The following CARNS1 variants were observed in gnomAD, a reference collection of about 807,000 sequenced individuals.
CARNS1 encodes carnosine synthase 1.
CARNS1 carries 61 observed loss-of-function variants against 74.0 expected under a neutral mutation model. The ratio of observed to expected loss-of-function variants is 0.82; its 90% confidence interval spans 0.67 to 1.02. CARNS1 has a LOEUF of 1.02. CARNS1 is among the 50% of genes least tolerant of loss of function. CARNS1 has a pLI of 0.00. For synonymous variants in CARNS1, 568 were observed against 605.5 expected, an observed-to-expected ratio of 0.94 and a Z score of 0.91; for missense variants, 1,278 against 1,308.4, an observed-to-expected ratio of 0.98 and a Z score of 0.36.
chr11:67,418,989 A>C lies in CARNS1; in HGVS notation c.598A>C (p.Thr200Pro), dbSNP rs755396724. The change falls in exon 5 of 10, where the codon ACA (threonine) becomes CCA (proline). Residue 200 changes from threonine (T) to proline (P), a missense_variant. Physicochemically the swap from Thr to Pro is conservative, Grantham distance 38 (BLOSUM62 -1). This residue lies in a region of CARNS1 where 1,164 missense variants were observed against 1,156.5 expected (regional missense o/e 1.01). Transcript: ENST00000687366. ...ACTCGCCCGTGACCTGACCTGCCCCACAGGAGCTTCGGCTGAGCTGGCCCG... is the reference window on the plus strand; with the variant it reads ...ACTCGCCCGTGACCTGACCTGCCCCCCAGGAGCTTCGGCTGAGCTGGCCCG... ...AELARDLTCP[T>P]GASAELARLL... is the part of the protein sequence containing the mutation. The C allele has an allele frequency of 6.4e-7, 1 of 1,564,380 alleles. No individual in the cohort carries two copies. Among genetic ancestry groups the C allele is most frequent in the Non-Finnish European group, 8.7e-7 (1 of 1,155,176 alleles).
At chr11:67,416,750 G>A in intron 2 of CARNS1, 1 of 986,056 alleles carries the variant, frequency 1.0e-6, no homozygotes, top group Non-Finnish European at 1.2e-6. Context: ...GCCCCATATT[G>A]GGGGGGCGCC....
In CARNS1 at chr11:67,423,755, C is replaced by T; in HGVS notation, c.2007C>T (p.Pro669=). 1.3e-6 allele frequency: 2 copies of T among 1,587,620 alleles called. No individual in the cohort carries two copies. Among genetic ancestry groups the T allele is most frequent in the South Asian group, 1.1e-5 (1 of 88,922 alleles). ...TGGAGAGGGCCGTGCACCAGGTACCCCTGCCAGGTGTCATGAAGCTGGAGT... is the reference window on the plus strand; with the variant it reads ...TGGAGAGGGCCGTGCACCAGGTACCTCTGCCAGGTGTCATGAAGCTGGAGT... ...ADVERAVHQV[P]LPGVMKLEFG... Residue 669 remains proline, a synonymous_variant, in exon 10 of 10, where the codon CCC becomes CCT. Transcript: ENST00000687366. The surrounding 1 kb of genome is among the most constrained non-coding windows in gnomAD (Gnocchi z 5.1).
chr11:67,418,806 C>G lies in CARNS1; in HGVS notation c.415C>G (p.Pro139Ala), dbSNP rs754924007. 2 of 1,600,470 alleles carry G rather than the reference C, an allele frequency of 1.2e-6. No individual in the cohort carries two copies. The highest frequency in any genetic ancestry group is 2.2e-5 in the South Asian group (2 of 89,032). Residue 139 changes from proline (P) to alanine (A), a missense_variant, in exon 5 of 10, where the codon CCC becomes GCC. Coordinates refer to ENST00000687366, the MANE Select transcript of CARNS1 (RefSeq NM_001166222.2). ...SPAWLMKVPAPGQPGEAALLV... is the reference protein window; with the variant it reads ...SPAWLMKVPAAGQPGEAALLV... ...TGCTTGGCTGATGAAGGTGCCAGCA[C>G]CCGGGCAGCCGGGTGAGGCAGCCCT...
Position 67,421,225 on chromosome 11 carries a change from CG to C in CARNS1, c.1626+10del, listed in dbSNP as rs776178154. On this transcript the variant is annotated splice_region_variant and intron_variant, in intron 9 of 9. Transcript: ENST00000687366. Reference sequence around the variant, plus strand: ...CGCGCGACTACGGGCTCCAGGTGGGCGGGGCGCGGGGCGGGGCTGGGCCCCA... The same window carrying C: ...CGCGCGACTACGGGCTCCAGGTGGGCGGGCGCGGGGCGGGGCTGGGCCCCA... 114 of 1,407,858 alleles carry C rather than the reference CG, an allele frequency of 8.1e-5. No homozygotes were observed. The African/African-American group carries it at 1.4e-3, about 18-fold the overall frequency. The allele number at this position is 1,407,858 out of a possible 1,614,324, so 87.2% of individuals were successfully genotyped here.
Position 67,420,596 on chromosome 11 carries a change from T to C in CARNS1, c.1114-13T>C. On this transcript the variant is annotated splice_polypyrimidine_tract_variant and intron_variant, in intron 7 of 9. Transcript: ENST00000687366. Reference sequence around the variant, plus strand: ...GAGTGTGTGGGCCTCCCCCTGAGTCTCCCCCTGCCCAGGTGGTGTGCGGCG... The same window carrying C: ...GAGTGTGTGGGCCTCCCCCTGAGTCCCCCCCTGCCCAGGTGGTGTGCGGCG... 1 of 1,233,358 alleles carries C rather than the reference T, an allele frequency of 8.1e-7. No homozygotes were observed. Among genetic ancestry groups the C allele is most frequent in the South Asian group, 4.0e-5 (1 of 25,246 alleles). 76.4% of individuals were successfully genotyped at this position (1,233,358 alleles called of 1,614,324 possible).
At position 67,420,840 on chromosome 11, in the gene CARNS1, G is replaced by C; in HGVS notation, c.1345G>C (p.Gly449Arg). 1 of 1,251,022 alleles carries C rather than the reference G, an allele frequency of 8.0e-7. No homozygotes were observed. Among genetic ancestry groups the C allele is most frequent in the Non-Finnish European group, 1.0e-6 (1 of 1,000,612 alleles). The allele number at this position is 1,251,022 out of a possible 1,614,324, so 77.5% of individuals were successfully genotyped here. The change falls in exon 8 of 10, where the codon GGC (glycine) becomes CGC (arginine). Residue 449 changes from glycine to arginine, a missense_variant and splice_region_variant. Gly to Arg is a moderately radical substitution (Grantham distance 125). This residue lies in a region of CARNS1 where 1,164 missense variants were observed against 1,156.5 expected (regional missense o/e 1.01). Transcript: ENST00000687366. ...GCGCCGGGCGCACACGGACTTCCTG[G>C]GTGAGTGAGGGCGGCCGGGGCCGGG... ...GGRRAHTDFL[G>R]VDFALTAAGG...
At chr11:67,421,856 TAGCTGAG>T (rs1276161735) in intron 9 of CARNS1, among the ~76,000 whole-genome samples, 3 of 151,938 alleles carry the variant, frequency 2.0e-5, no homozygotes, top group African/African-American at 7.3e-5. Flanking sequence ...GCCTCCCTAG[TAGCTGAG>T]ACTACAGGCA....
Position 67,424,580 on chromosome 11 carries a change from C to T in CARNS1, c.2832C>T (p.His944=), listed in dbSNP as rs1863789405. The change falls in exon 10 of 10, where the codon CAC becomes CAT. Residue 944 remains histidine (H), a synonymous_variant. Transcript: ENST00000687366. ...GIDGPSYPVA[H]FLSHFK The stretch of plus-strand genomic sequence containing the variant: ...ATGGGCCCAGCTACCCTGTTGCCCA[C>T]TTCCTGTCTCACTTCAAATAGCACT... The T allele has an allele frequency of 6.2e-7, 1 of 1,606,300 alleles. No homozygotes were observed.
In CARNS1 at chr11:67,425,153, G is replaced by A. The variant is rs1590965130; in HGVS notation, c.*552G>A. ...CCTGACCGGTAGAGGCAGGTGGCCTGTGGACAGAAGTAATCCTCTTTCTGC... is the reference window on the plus strand; with the variant it reads ...CCTGACCGGTAGAGGCAGGTGGCCTATGGACAGAAGTAATCCTCTTTCTGC... On this transcript the variant is annotated 3_prime_UTR_variant, in exon 10 of 10. Transcript: ENST00000687366. 1 of 447,960 alleles carries A rather than the reference G, an allele frequency of 2.2e-6. No individual in the cohort carries two copies. Among genetic ancestry groups the A allele is most frequent in the South Asian group, 1.6e-5 (1 of 63,994 alleles). 27.7% of individuals were successfully genotyped at this position (447,960 alleles called of 1,614,324 possible). A position where few individuals can be genotyped will look rare whatever the true frequency, so the allele number is the denominator to read the frequency against.
chr11:67,421,674 C>T (rs982510834), intron 9 of CARNS1, among the ~76,000 whole-genome samples: 1 of 152,182 alleles, frequency 6.6e-6, no homozygotes, highest in Non-Finnish European at 1.5e-5. Context: ...GAATCAAGTT[C>T]ATAGCAGGGC....
In CARNS1 at chr11:67,424,647, T is replaced by C. The variant is rs372034982; in HGVS notation, c.*46T>C. On this transcript the variant is annotated 3_prime_UTR_variant, in exon 10 of 10. Transcript: ENST00000687366. ...GAAGCAGTGCTGGGTGGAGGCACTGTGGTGCCCTCTGCTCCCTGGAGCTCT... is the reference window on the plus strand; with the variant it reads ...GAAGCAGTGCTGGGTGGAGGCACTGCGGTGCCCTCTGCTCCCTGGAGCTCT... 1.1e-4 allele frequency: 162 copies of C among 1,538,098 alleles called. No individual in the cohort carries two copies. The African/African-American group carries it at 2.0e-3, about 19-fold the overall frequency.
rs938032843 is a variant in CARNS1 at position 67,422,065 on chromosome 11, G to A, written c.1626+846G>A. Among the ~76,000 whole-genome samples the A allele has an allele frequency of 2.6e-5, 4 of 151,596 alleles. No individual in the cohort carries two copies. In the East Asian group the frequency reaches 5.8e-4, roughly 22 times the overall value. On this transcript the variant is annotated intron_variant, in intron 9 of 9. Transcript: ENST00000687366. ...CCTGGCTAACTTTTAGTAGAGATGGGGTTTCACCATGTTAGCCAGGATGGT... is the reference window on the plus strand; with the variant it reads ...CCTGGCTAACTTTTAGTAGAGATGGAGTTTCACCATGTTAGCCAGGATGGT...
At chr11:67,419,994 C>T (rs541913714) in intron 7 of CARNS1, among the ~76,000 whole-genome samples, 156 bp downstream of exon 7, 1 of 152,182 alleles carries the variant, frequency 6.6e-6, no homozygotes, top group Non-Finnish European at 1.5e-5. Context: ...CTGGGTCTGA[C>T]CGTCTTCCCT....
In CARNS1 at chr11:67,416,184, C is replaced by A; in HGVS notation, c.-16C>A. ...TCTGTCTCTGCCATCAGTCTCTCAG[C>A]CACTCCACCCACGAGATGGTGAGTC... On this transcript the variant is annotated 5_prime_UTR_variant, in exon 2 of 10. Coordinates refer to ENST00000687366, the MANE Select transcript of CARNS1 (RefSeq NM_001166222.2). 2 of 1,522,228 alleles carry A rather than the reference C, an allele frequency of 1.3e-6. No homozygotes were observed. Among genetic ancestry groups the A allele is most frequent in the Non-Finnish European group, 1.8e-6 (2 of 1,133,240 alleles). 94.3% of individuals were successfully genotyped at this position (1,522,228 alleles called of 1,614,324 possible).
At chr11:67,420,286 C>T (rs1056750862) in intron 7 of CARNS1, among the ~76,000 whole-genome samples, 1 of 152,140 alleles carries the variant, frequency 6.6e-6, no homozygotes, top group African/African-American at 2.4e-5. Context: ...CAGGGAGCTC[C>T]AGTGGGGTAG....
chr11:67,420,308 C>T (rs1055045859), intron 7 of CARNS1, among the ~76,000 whole-genome samples: 1 of 152,044 alleles, frequency 6.6e-6, no homozygotes, highest in Admixed American at 6.5e-5. Flanking sequence ...GAAAGGTGCG[C>T]CCCAGGGAGA....
rs952099914 is a variant in CARNS1 at position 67,419,196 on chromosome 11, G to T, written c.805G>T (p.Glu269Ter). ...GGGCCAGGAGACGCTGGTGAAAGAGGAAGTGGAGGCTTTTCTGCGCTCCGA... is the reference window on the plus strand; with the variant it reads ...GGGCCAGGAGACGCTGGTGAAAGAGTAAGTGGAGGCTTTTCTGCGCTCCGA... ...KEGQETLVKE[E>*]VEAFLRSEAL... Residue 269 changes from glutamate (E) to a stop codon, truncating the protein, a stop_gained, in exon 5 of 10, where the codon GAA becomes TAA. Transcript: ENST00000687366. LOFTEE classifies it high-confidence loss of function. The T allele has an allele frequency of 9.3e-6, 14 of 1,512,232 alleles. No homozygotes were observed. Among genetic ancestry groups the T allele is most frequent in the Non-Finnish European group, 1.2e-5 (13 of 1,125,846 alleles). The allele number at this position is 1,512,232 out of a possible 1,614,324, so 93.7% of individuals were successfully genotyped here.
At chr11:67,417,736 A>C in intron 3 of CARNS1, 59 bp downstream of exon 3, 1 of 1,166,130 alleles carries the variant, frequency 8.6e-7, no homozygotes, top group East Asian at 3.2e-5. Flanking sequence ...CCCTCAGCCC[A>C]GTCTGCTTGC....
Position 67,424,895 on chromosome 11 carries a change from C to G in CARNS1, c.*294C>G. On this transcript the variant is annotated 3_prime_UTR_variant, in exon 10 of 10. Coordinates refer to ENST00000687366, the MANE Select transcript of CARNS1 (RefSeq NM_001166222.2). ...CACACACACACACACACACACACCTCTGACGCCAGCTCCCCAGGTGGGAGT... is the reference window on the plus strand; with the variant it reads ...CACACACACACACACACACACACCTGTGACGCCAGCTCCCCAGGTGGGAGT... 1 of 538,240 alleles carries G rather than the reference C, an allele frequency of 1.9e-6. No individual in the cohort carries two copies. Among genetic ancestry groups the G allele is most frequent in the Non-Finnish European group, 3.3e-6 (1 of 302,336 alleles). 33.3% of individuals were successfully genotyped at this position (538,240 alleles called of 1,614,324 possible). A position where few individuals can be genotyped will look rare whatever the true frequency, so the allele number is the denominator to read the frequency against.
Sources: gnomAD v4.1 joint callset for allele counts (sites outside exome capture counted in the v4.1 genomes callset) on GRCh38, gnomAD v4.1.1 for gene constraint, gnomAD v4.1.1 regional missense constraint, Gnocchi (gnomAD v3.1) non-coding constraint, MANE v1.5 for transcripts, NCBI Gene and HGNC (gene_info 2026-07-23, HGNC 2026-07-21) for gene names.